Variants in ZDHHC11 observed in about 807,000 individuals in gnomAD.
ZDHHC11 encodes zDHHC palmitoyltransferase 11.
ZDHHC11 carries 44 observed loss-of-function variants against 51.3 expected under a neutral mutation model. The ratio of observed to expected loss-of-function variants is 0.86; its 90% CI spans 0.67 to 1.10. ZDHHC11 has a LOEUF of 1.10. Among genes scored for constraint, ZDHHC11 ranks in the 50% least tolerant of loss-of-function variants. The pLI, the probability that ZDHHC11 is intolerant of heterozygous loss-of-function variation, is 0.00. For missense variants in ZDHHC11, 400 were observed against 537.7 expected (o/e 0.74, Z 2.53); for synonymous variants, 163 against 222.0 (o/e 0.73, Z 2.36).
intron 8 of ZDHHC11, among the ~76,000 whole-genome samples, chr5:824,684 A>G (rs1742056239): frequency 2.6e-5 from 4 of 151,040 alleles, no homozygotes; most frequent in Admixed American, 2.6e-4. Flanking sequence ...GTGCAACCAC[A>G]CACCATACAC....
chr5:851,393 C>T (rs1747211841), upstream of ZDHHC11, among the ~76,000 whole-genome samples: 1 of 146,368 alleles, frequency 6.8e-6, no homozygotes, highest in Non-Finnish European at 1.5e-5. Flanking sequence ...GAAAGACACT[C>T]AACGGCCGCT....
chr5:815,980 G>A (rs10040987), intron 10 of ZDHHC11, among the ~76,000 whole-genome samples: 14,451 of 150,804 alleles, frequency 0.096, 1,031 homozygotes, highest in Admixed American at 0.21. Flanking sequence ...GTTTTAGCTC[G>A]TGGATCCCAG....
At chr5:854,384 A>T (rs1282051003), upstream of ZDHHC11, among the ~76,000 whole-genome samples, 1 of 148,514 alleles carries the variant, frequency 6.7e-6, no homozygotes, top group Non-Finnish European at 1.5e-5. Context: ...AGCCAGGGAG[A>T]CAGACCCCAC....
chr5:798,082 C>T lies in ZDHHC11; in HGVS notation c.*8-1502G>A, dbSNP rs1216838042. On this transcript the variant is annotated intron_variant, in intron 12 of 12. Coordinates refer to ENST00000283441, the MANE Select transcript of ZDHHC11 (RefSeq NM_024786.3). ...TGACTGATCCCCCCTGATTCCTTTG[C>T]GGGTAGAGAAGTGAGTTGCCTCTAG... 4.1e-5 allele frequency among the ~76,000 whole-genome samples: 6 copies of T among 146,336 alleles called. 1 individual carries two copies. The East Asian group carries it at 8.2e-4, about 20-fold the overall frequency.
At chr5:828,105 G>A (rs1270352706) in intron 7 of ZDHHC11, among the ~76,000 whole-genome samples, 160 of 149,180 alleles carry the variant, frequency 1.1e-3, no homozygotes, top group African/African-American at 3.8e-3. Flanking sequence ...TCTTAGTACA[G>A]AACAAAATGA....
chr5:859,949 C>T (rs1748704066), upstream of ZDHHC11, among the ~76,000 whole-genome samples: 2 of 152,214 alleles, frequency 1.3e-5, no homozygotes, highest in Admixed American at 1.3e-4. Context: ...AGGGATGCAC[C>T]CTTTCTGTTA....
upstream of ZDHHC11, among the ~76,000 whole-genome samples, chr5:851,630 G>A (rs1053084543): frequency 2.0e-5 from 3 of 152,200 alleles, no homozygotes; most frequent in African/African-American, 4.8e-5. Flanking sequence ...GTGGCTCTGC[G>A]CTGCCTTTGG....
intron 7 of ZDHHC11, among the ~76,000 whole-genome samples, chr5:830,729 CTA>C (rs1742952257): frequency 7.0e-6 from 1 of 143,696 alleles, no homozygotes; most frequent in Non-Finnish European, 1.5e-5. Context: ...TGAATTCAAA[CTA>C]TACTACAAAT....
At chr5:812,630 G>A (rs1030204555) in intron 11 of ZDHHC11, among the ~76,000 whole-genome samples, 1 of 151,254 alleles carries the variant, frequency 6.6e-6, no homozygotes, top group Non-Finnish European at 1.5e-5. Context: ...GGTAAAGTAA[G>A]TAAAAAGAAA....
intron 7 of ZDHHC11, among the ~76,000 whole-genome samples, chr5:829,815 C>T (rs1285214967): frequency 6.6e-6 from 1 of 151,392 alleles, no homozygotes. Flanking sequence ...TTTCATACCA[C>T]GTATGCAGGA....
At chr5:847,180 C>CTGGA (rs1361206087) in intron 3 of ZDHHC11, among the ~76,000 whole-genome samples, 1 of 151,828 alleles carries the variant, frequency 6.6e-6, no homozygotes, top group Non-Finnish European at 1.5e-5. Flanking sequence ...CACCCTTGTG[C>CTGGA]TGGATGAGCC....
At chr5:814,275 T>C (rs1740472856) in intron 11 of ZDHHC11, among the ~76,000 whole-genome samples, 1 of 151,036 alleles carries the variant, frequency 6.6e-6, no homozygotes. Context: ...CCCTTTAGAA[T>C]GTGTGCTTAA....
rs565180856 is a variant in ZDHHC11 at position 858,095 on chromosome 5, C to A, written c.-1+779G>T. ...TGTCATGTCTTTATGACACCAGGCC[C>A]CTAGAGTCTGTCCTGGTCCCCGTCC... On this transcript the variant is annotated intron_variant, in intron 1 of 3. Coordinates refer to the ZDHHC11 transcript ENST00000685990. 2.0e-5 allele frequency among the ~76,000 whole-genome samples: 3 copies of A among 146,762 alleles called. No homozygotes were observed. In the East Asian group the frequency reaches 6.2e-4, roughly 30 times the overall value.
chr5:815,141 G>A (rs1740611400), intron 10 of ZDHHC11, among the ~76,000 whole-genome samples: 1 of 151,454 alleles, frequency 6.6e-6, no homozygotes, highest in Non-Finnish European at 1.5e-5. Flanking sequence ...TTTTATGAAG[G>A]GGAGATTATG....
chr5:797,423 C>T (rs541889764), intron 12 of ZDHHC11, among the ~76,000 whole-genome samples: 75 of 151,874 alleles, frequency 4.9e-4, no homozygotes, highest in African/African-American at 1.7e-3. Flanking sequence ...CTTTCTAGGA[C>T]TCTAAACATA....
chr5:818,700 A>C (rs1741157125), intron 10 of ZDHHC11, among the ~76,000 whole-genome samples: 1 of 151,522 alleles, frequency 6.6e-6, no homozygotes, highest in Non-Finnish European at 1.5e-5. Flanking sequence ...CTCTTAAGAA[A>C]TAAGAAATAA....
chr5:798,765 G>C (rs1306871261), intron 12 of ZDHHC11, among the ~76,000 whole-genome samples: 1 of 146,228 alleles, frequency 6.8e-6, no homozygotes, highest in Non-Finnish European at 1.5e-5. Flanking sequence ...GCGAACATTT[G>C]CTGTTTAAAA....
chr5:798,795 T>C (rs1275696007), intron 12 of ZDHHC11, among the ~76,000 whole-genome samples: 9 of 151,614 alleles, frequency 5.9e-5, no homozygotes, highest in African/African-American at 1.9e-4. Flanking sequence ...TGAATATTTT[T>C]TTTTTTGAAT....
chr5:797,168 C>T (rs1192111230), intron 12 of ZDHHC11, among the ~76,000 whole-genome samples: 6 of 151,454 alleles, frequency 4.0e-5, no homozygotes, highest in African/African-American at 1.5e-4. Context: ...GATTGGGCCA[C>T]TGCACTCCAG....
Sources: allele counts gnomAD v4.1 joint callset (sites outside exome capture counted in the v4.1 genomes callset), GRCh38; gene constraint gnomAD v4.1.1; transcripts MANE v1.5; gene names NCBI Gene and HGNC (gene_info 2026-07-23, HGNC 2026-07-21).